TMC1: variants seen among roughly 807,000 people sequenced by gnomAD.
The protein encoded by TMC1 is transmembrane channel-like protein 1.
A neutral mutation model predicts 105.8 loss-of-function variants in TMC1; 84 were observed. The ratio of observed to expected loss-of-function variants is 0.79; its 90% CI spans 0.67 to 0.95. TMC1 has a LOEUF of 0.95. Among genes scored for constraint, TMC1 ranks in the 40% least tolerant of loss-of-function variants. The probability of loss-of-function intolerance (pLI) is 0.00; values close to 1 mark genes in which losing one functional copy is unlikely to be tolerated. For missense variants in TMC1, 817 were observed against 914.1 expected (o/e 0.89, Z 1.37); for synonymous variants, 315 against 311.5 (o/e 1.01, Z -0.12).
At chr9:72,765,372 G>T (rs759387540) in intron 12 of TMC1, among the ~76,000 whole-genome samples, 1 of 151,978 alleles carries the variant, frequency 6.6e-6, no homozygotes, top group East Asian at 1.9e-4. Flanking sequence ...AAAGGAAGGG[G>T]CATTCATTAC....
chr9:72,801,880 C>A (rs949420888), intron 17 of TMC1, among the ~76,000 whole-genome samples: 19 of 152,228 alleles, frequency 1.2e-4, no homozygotes, highest in African/African-American at 4.6e-4. Context: ...ATGTTTGAAT[C>A]TTCTTCAGAT....
intron 18 of TMC1, among the ~76,000 whole-genome samples, chr9:72,806,086 G>A (rs1222596256): frequency 6.6e-6 from 1 of 151,960 alleles, no homozygotes; most frequent in African/African-American, 2.4e-5. Flanking sequence ...GGTGGTGGCC[G>A]GGCAGAGGGG....
intron 8 of TMC1, among the ~76,000 whole-genome samples, chr9:72,718,753 G>A (rs1031693453): frequency 6.6e-6 from 1 of 152,114 alleles, no homozygotes; most frequent in African/African-American, 2.4e-5. Context: ...GTGGTGGGTG[G>A]GGGCCCTAGA....
intron 3 of TMC1, among the ~76,000 whole-genome samples, chr9:72,623,785 T>C (rs371626468): frequency 3.8e-4 from 58 of 152,274 alleles, no homozygotes; most frequent in African/African-American, 1.3e-3. Flanking sequence ...GGCTATTCCA[T>C]CATTTTAGGT....
chr9:72,621,516 A>C (rs1322086769), intron 3 of TMC1, among the ~76,000 whole-genome samples: 1 of 152,206 alleles, frequency 6.6e-6, no homozygotes, highest in African/African-American at 2.4e-5. Context: ...GCTTGTGAAT[A>C]TTCTCATGTA....
chr9:72,725,153 G>A (rs978270237), intron 8 of TMC1, among the ~76,000 whole-genome samples: 1 of 151,568 alleles, frequency 6.6e-6, no homozygotes, highest in African/African-American at 2.4e-5. Flanking sequence ...ATATGAGCAA[G>A]CAATGGCAAG....
At chr9:72,695,324 A>T (rs573089279) in intron 7 of TMC1, among the ~76,000 whole-genome samples, 60 of 152,348 alleles carry the variant, frequency 3.9e-4, no homozygotes, top group Non-Finnish European at 6.3e-4. Flanking sequence ...AAAACATTTT[A>T]GTAAACGCTG....
At chr9:72,709,090 G>A (rs1252039859) in intron 8 of TMC1, among the ~76,000 whole-genome samples, 1 of 151,808 alleles carries the variant, frequency 6.6e-6, no homozygotes, top group East Asian at 1.9e-4. Flanking sequence ...GAGGGAGGGG[G>A]ATCCTCTCTT....
rs71495343 is a variant in TMC1, at chr9:72,836,220, CT to C, written c.*262del. ...CTCTCTCCCCTGCTCCATTTCGTGACTTTTTTTTTTTTTTTAACAAATTGAG... is the reference window on the plus strand; with the variant it reads ...CTCTCTCCCCTGCTCCATTTCGTGACTTTTTTTTTTTTTTAACAAATTGAG... On this transcript the variant is annotated 3_prime_UTR_variant, in exon 24 of 24. Transcript: ENST00000297784. 70,003 of 425,146 alleles carry C rather than the reference CT, an allele frequency of 0.16. No homozygotes were observed. The highest frequency in any genetic ancestry group is 0.22 in the South Asian group (6,437 of 28,734). The allele number at this position is 425,146 out of a possible 1,614,324, so 26.3% of individuals were successfully genotyped here.
intron 11 of TMC1, among the ~76,000 whole-genome samples, chr9:72,752,441 G>A (rs1354830546): frequency 9.0e-6 from 1 of 111,318 alleles, no homozygotes; most frequent in African/African-American, 4.3e-5. Context: ...GTAAGATAAT[G>A]CCCACAACAC....
At chr9:72,563,899 CAAAAAAAAAAAAAAA>C (rs71357586) in intron 1 of TMC1, among the ~76,000 whole-genome samples, 2 of 52,160 alleles carry the variant, frequency 3.8e-5, no homozygotes, top group African/African-American at 1.6e-4. Flanking sequence ...AACTCTGGCT[CAAAAAAAAAAAAAAA>C]AAAAAAAAAG....
intron 23 of TMC1, among the ~76,000 whole-genome samples, chr9:72,833,633 C>T (rs1352089171): frequency 1.3e-5 from 2 of 152,146 alleles, no homozygotes; most frequent in African/African-American, 2.4e-5. Context: ...TTTTCTGAGA[C>T]CATGCCTATC....
At chr9:72,729,943 G>T (rs971368435) in intron 8 of TMC1, among the ~76,000 whole-genome samples, 49 of 152,198 alleles carry the variant, frequency 3.2e-4, no homozygotes, top group African/African-American at 1.2e-3. Context: ...GTAATGAACT[G>T]AGTGGGGAAA....
chr9:72,793,578 G>A (rs979378136), intron 17 of TMC1, among the ~76,000 whole-genome samples: 1 of 152,122 alleles, frequency 6.6e-6, no homozygotes, highest in African/African-American at 2.4e-5. Flanking sequence ...CCTAACTGGG[G>A]TCTCCAACCA....
intron 1 of TMC1, among the ~76,000 whole-genome samples, chr9:72,523,266 AAGG>A (rs1400222537): frequency 2.0e-5 from 3 of 151,900 alleles, no homozygotes; most frequent in African/African-American, 7.3e-5. Context: ...GAAGAGGAGG[AAGG>A]AGGGAGGAAG....
chr9:72,701,531 A>G (rs192159581), intron 8 of TMC1, among the ~76,000 whole-genome samples: 2 of 152,326 alleles, frequency 1.3e-5, no homozygotes, highest in African/African-American at 4.8e-5. Context: ...AATCATTTTT[A>G]TAAATAGTAG....
intron 21 of TMC1, among the ~76,000 whole-genome samples, chr9:72,827,765 G>A (rs1588104582): frequency 6.6e-6 from 1 of 152,194 alleles, no homozygotes; most frequent in Non-Finnish European, 1.5e-5. Context: ...AATGTCTGGA[G>A]CTGCCACGAC....
chr9:72,584,448 G>A (rs1026741699), intron 2 of TMC1, among the ~76,000 whole-genome samples: 3 of 151,858 alleles, frequency 2.0e-5, no homozygotes, highest in Non-Finnish European at 4.4e-5. Context: ...TTTATTTTTT[G>A]TGGAAACAGG....
At chr9:72,578,446 G>A (rs780743528) in intron 2 of TMC1, 2 of 152,206 alleles carry the variant, frequency 1.3e-5, no homozygotes, top group Admixed American at 6.5e-5. Flanking sequence ...TCCTTCGCAA[G>A]CAATGAATCT....
Sources: gnomAD v4.1 joint callset for allele counts (sites outside exome capture counted in the v4.1 genomes callset) on GRCh38, gnomAD v4.1.1 for gene constraint, MANE v1.5 for transcripts, NCBI Gene and HGNC (gene_info 2026-07-23, HGNC 2026-07-21) for gene names.